The following SEL1L variants were observed in gnomAD, a reference collection of about 807,000 sequenced individuals.
The protein encoded by SEL1L is protein sel-1 homolog 1.
A neutral mutation model predicts 109.8 loss-of-function variants in SEL1L; 52 were observed. The ratio of observed to expected loss-of-function variants is 0.47; its 90% CI spans 0.38 to 0.60. The LOEUF is 0.60. SEL1L is among the 20% of genes least tolerant of loss of function. The pLI, the probability that SEL1L is intolerant of heterozygous loss-of-function variation, is 0.00. For missense variants in SEL1L, 749 were observed against 962.2 expected, an observed-to-expected ratio of 0.78 and a Z score of 2.93; for synonymous variants, 373 against 339.6, an observed-to-expected ratio of 1.10 and a Z score of -1.08.
chr14:81,475,430 T>C lies in SEL1L; in HGVS notation c.*1542A>G, dbSNP rs1208655098. 1.3e-5 allele frequency: 2 copies of C among 152,636 alleles called. No individual in the cohort carries two copies. Among genetic ancestry groups the C allele is most frequent in the African/African-American group, 4.8e-5 (2 of 41,462 alleles). 9.5% of individuals were successfully genotyped at this position (152,636 alleles called of 1,614,324 possible). A position where few individuals can be genotyped will look rare whatever the true frequency, so the allele number is the denominator to read the frequency against. On this transcript the variant is annotated 3_prime_UTR_variant, in exon 21 of 21. Coordinates refer to ENST00000336735, the MANE Select transcript of SEL1L (RefSeq NM_005065.6). ...ATGTTCATTATAGACTAGTTAAATC[T>C]AGTTCTAACTACTACCCCAACTTCA...
chr14:81,526,907 C>A lies in SEL1L; in HGVS notation c.166G>T (p.Ala56Ser). The change falls in exon 3 of 21, where the codon GCT (alanine) becomes TCT (serine). Residue 56 changes from alanine (A) to serine (S), a missense_variant. Coordinates refer to ENST00000336735, the MANE Select transcript of SEL1L (RefSeq NM_005065.6). ...KDHTTAGRVVAGQIFLDSEES... is the reference protein window; with the variant it reads ...KDHTTAGRVVSGQIFLDSEES... ...TCTGAATCAAGAAATATTTGACCAG[C>A]AACTACTCTGCCTGCAGTAGTATGG... 6.2e-7 allele frequency: 1 copy of A among 1,600,292 alleles called. No homozygotes were observed. Among genetic ancestry groups the A allele is most frequent in the South Asian group, 1.1e-5 (1 of 88,152 alleles).
intron 1 of SEL1L, among the ~76,000 whole-genome samples, chr14:81,532,945 A>G (rs559070811): frequency 2.0e-5 from 3 of 152,236 alleles, no homozygotes; most frequent in Non-Finnish European, 4.4e-5. Flanking sequence ...ACATTAAAAA[A>G]GGGGGAAAAA....
chr14:81,529,809 A>G (rs755803991), intron 1 of SEL1L, among the ~76,000 whole-genome samples: 49 of 152,200 alleles, frequency 3.2e-4, no homozygotes, highest in Non-Finnish European at 6.0e-4. Context: ...CATTCACACA[A>G]CACTTTTTAA....
At chr14:81,508,473 C>T (rs904352789) in intron 3 of SEL1L, among the ~76,000 whole-genome samples, 8 of 152,022 alleles carry the variant, frequency 5.3e-5, no homozygotes, top group African/African-American at 1.9e-4. Context: ...GAGCCAGGCA[C>T]GGTGGCTCAC....
intron 1 of SEL1L, among the ~76,000 whole-genome samples, chr14:81,530,636 C>A (rs1216512968): frequency 6.6e-6 from 1 of 152,146 alleles, no homozygotes; most frequent in African/African-American, 2.4e-5. Context: ...AAAATTATAA[C>A]CTTTTCACTA....
intron 12 of SEL1L, 35 bp from the exon 13 acceptor site, chr14:81,490,500 A>G (rs1284902421): frequency 6.8e-7 from 1 of 1,475,124 alleles, no homozygotes; most frequent in Admixed American, 1.7e-5. Flanking sequence ...TAAGAGCTGT[A>G]ACCCTCTCTC....
intron 3 of SEL1L, among the ~76,000 whole-genome samples, chr14:81,522,893 A>C (rs1026129979): frequency 6.6e-6 from 1 of 152,234 alleles, no homozygotes; most frequent in Non-Finnish European, 1.5e-5. Flanking sequence ...ACAAGAACAA[A>C]AAGTGTGGAC....
intron 10 of SEL1L, among the ~76,000 whole-genome samples, chr14:81,496,529 A>G (rs1205962781): frequency 6.6e-6 from 1 of 152,130 alleles, no homozygotes; most frequent in African/African-American, 2.4e-5. Context: ...CACTTAGACC[A>G]GGAGTTCAAG....
intron 10 of SEL1L, among the ~76,000 whole-genome samples, chr14:81,495,530 G>C (rs959189445): frequency 6.6e-6 from 1 of 152,186 alleles, no homozygotes; most frequent in African/African-American, 2.4e-5. Flanking sequence ...CCTGCTACTT[G>C]AGAGGCTGAG....
At position 81,502,816 on chromosome 14, in the gene SEL1L, C is replaced by A. The variant is rs1183038310; in HGVS notation, c.682G>T (p.Ala228Ser). The change falls in exon 6 of 21, where the codon GCT becomes TCT. Residue 228 changes from alanine (A) to serine (S), a missense_variant. Physicochemically the swap from Ala to Ser is moderately conservative, Grantham distance 99 (BLOSUM62 1). Around this residue, in one of 2 missense-constraint regions of SEL1L, gnomAD observed 366 missense variants for 399.8 expected, o/e 0.92. Coordinates refer to ENST00000336735, the MANE Select transcript of SEL1L (RefSeq NM_005065.6). Reference sequence around the variant, plus strand: ...GGCAAGTAATCACCAAATAAAAGAGCATATGACACTCTCTCCAGGGCTTTG... The same window carrying A: ...GGCAAGTAATCACCAAATAAAAGAGAATATGACACTCTCTCCAGGGCTTTG... ...HTKALERVSYALLFGDYLPQN... is the reference protein window; with the variant it reads ...HTKALERVSYSLLFGDYLPQN... The A allele has an allele frequency of 1.4e-5, 23 of 1,614,002 alleles. No homozygotes were observed. The highest frequency in any genetic ancestry group is 1.7e-5 in the Non-Finnish European group (20 of 1,179,978).
In SEL1L at chr14:81,498,047, C is replaced by G; in HGVS notation, c.974-1G>C. 6.2e-7 allele frequency: 1 copy of G among 1,611,228 alleles called. No individual in the cohort carries two copies. The highest frequency in any genetic ancestry group is 8.5e-7 in the Non-Finnish European group (1 of 1,178,944). On this transcript the variant is annotated splice_acceptor_variant, in intron 9 of 20. Transcript: ENST00000336735. LOFTEE classifies it high-confidence loss of function. ...CCTGTTAGCGAGATATCACTAGCAA[C>G]TGAAATAGAGGGATAAAACAATAAG...
chr14:81,505,970 C>A (rs1884221832), intron 4 of SEL1L, 104 bp downstream of exon 4: 1 of 1,138,928 alleles, frequency 8.8e-7, no homozygotes, highest in Non-Finnish European at 1.3e-6. Flanking sequence ...GCAATGCTGG[C>A]CATTTCTGAC....
intron 6 of SEL1L, among the ~76,000 whole-genome samples, chr14:81,500,541 T>G (rs1385542145): frequency 6.6e-6 from 1 of 152,188 alleles, no homozygotes; most frequent in Non-Finnish European, 1.5e-5. Flanking sequence ...CAGCCAAATG[T>G]AACTTTAAAC....
rs1371093923 is a variant in SEL1L, at chr14:81,471,667, GCATTAA to G, written c.*5299_*5304del. The G allele has an allele frequency of 3.3e-5, 5 of 152,176 alleles. No homozygotes were observed. Among genetic ancestry groups the G allele is most frequent in the African/African-American group, 1.2e-4 (5 of 41,440 alleles). The allele number at this position is 152,176 out of a possible 1,614,324, so 9.4% of individuals were successfully genotyped here. A position where few individuals can be genotyped will look rare whatever the true frequency, so the allele number is the denominator to read the frequency against. Reference sequence around the variant, plus strand: ...GAAATGGGATTTAATATACAATTCAGCATTAACATTGTTATGTTTAAAAGAAATTAA... The same window carrying G: ...GAAATGGGATTTAATATACAATTCAGCATTGTTATGTTTAAAAGAAATTAA... On this transcript the variant is annotated 3_prime_UTR_variant, in exon 21 of 21. Transcript: ENST00000336735.
chr14:81,504,388 T>A, intron 4 of SEL1L, 82 bp from the exon 5 acceptor site: 1 of 955,268 alleles, frequency 1.0e-6, no homozygotes, highest in Non-Finnish European at 1.5e-6. Context: ...TTTTGGGCAG[T>A]CATACAAACA....
At chr14:81,510,221 T>C (rs917952403) in intron 3 of SEL1L, among the ~76,000 whole-genome samples, 3 of 152,150 alleles carry the variant, frequency 2.0e-5, no homozygotes, top group Non-Finnish European at 4.4e-5. Flanking sequence ...AGAGTAGATT[T>C]AGCAGTCTGG....
intron 16 of SEL1L, 130 bp downstream of exon 16, chr14:81,487,260 T>C: frequency 1.3e-6 from 1 of 782,272 alleles, no homozygotes; most frequent in Non-Finnish European, 1.9e-6. Flanking sequence ...CTTCCCTCAG[T>C]ATATCAAAGC....
At chr14:81,501,635 A>G (rs1295535792) in intron 6 of SEL1L, among the ~76,000 whole-genome samples, 1 of 152,208 alleles carries the variant, frequency 6.6e-6, no homozygotes, top group African/African-American at 2.4e-5. Context: ...CCTTGTGATT[A>G]GATATTTCAC....
intron 4 of SEL1L, among the ~76,000 whole-genome samples, chr14:81,505,036 G>C (rs1884180835): frequency 1.3e-5 from 2 of 152,170 alleles, no homozygotes; most frequent in Non-Finnish European, 2.9e-5. Flanking sequence ...TTACAGCAGT[G>C]TGAGAATGGA....
Sources: gnomAD v4.1 joint callset for allele counts (sites outside exome capture counted in the v4.1 genomes callset) on GRCh38, gnomAD v4.1.1 for gene constraint, gnomAD v4.1.1 regional missense constraint, MANE v1.5 for transcripts, NCBI Gene and HGNC (gene_info 2026-07-23, HGNC 2026-07-21) for gene names.